Variants in SBF2 observed in about 807,000 individuals in gnomAD.
SBF2 encodes myotubularin-related protein 13.
A neutral mutation model predicts 225.2 loss-of-function variants in SBF2; 112 were observed. The ratio of observed to expected loss-of-function variants is 0.50; its 90% CI spans 0.43 to 0.58. The LOEUF (loss-of-function observed/expected upper bound fraction) is 0.58. SBF2 is among the 20% of genes least tolerant of loss of function. The pLI, the probability that SBF2 is intolerant of heterozygous loss-of-function variation, is 0.00. For missense variants in SBF2, 1,996 were observed against 2,206.2 expected (o/e 0.90, Z 1.91); for synonymous variants, 763 against 773.3 (o/e 0.99, Z 0.22).
chr11:10,244,862 G>A (rs1959613298), intron 1 of SBF2, among the ~76,000 whole-genome samples: 1 of 152,062 alleles, frequency 6.6e-6, no homozygotes, highest in African/African-American at 2.4e-5. Context: ...CAGGCCAGGG[G>A]CGGTGGTGCA....
chr11:9,931,289 C>A (rs1864479678), intron 16 of SBF2, among the ~76,000 whole-genome samples: 1 of 152,336 alleles, frequency 6.6e-6, no homozygotes, highest in African/African-American at 2.4e-5. Context: ...TGAGAATGGA[C>A]AGACTGCCTC....
intron 16 of SBF2, among the ~76,000 whole-genome samples, chr11:9,951,894 A>G (rs898136302): frequency 6.6e-6 from 1 of 152,278 alleles, no homozygotes; most frequent in Non-Finnish European, 1.5e-5. Context: ...TGAAAGGAGA[A>G]GTAAATCAAA....
rs955980559 is a variant in SBF2 at position 10,247,446 on chromosome 11, C to T, written c.55+46569G>A. Among the ~76,000 whole-genome samples, 9 of 150,688 alleles carry T rather than the reference C, an allele frequency of 6.0e-5. No individual in the cohort carries two copies. In the East Asian group the frequency reaches 1.4e-3, roughly 23 times the overall value. On this transcript the variant is annotated intron_variant, in intron 1 of 39. Transcript: ENST00000256190. Reference sequence around the variant, plus strand: ...CTGTAATGCCAGCATTTTGGGAGGCCGAGGTGGGAAGATCACTTGAGGTCA... The same window carrying T: ...CTGTAATGCCAGCATTTTGGGAGGCTGAGGTGGGAAGATCACTTGAGGTCA...
At chr11:10,131,362 T>C (rs1403798444) in intron 2 of SBF2, among the ~76,000 whole-genome samples, 1 of 152,096 alleles carries the variant, frequency 6.6e-6, no homozygotes, top group East Asian at 1.9e-4. Context: ...TTTGGCAAAA[T>C]ATCTTTTTGT....
chr11:9,944,850 A>G (rs1413404068), intron 16 of SBF2, among the ~76,000 whole-genome samples: 1 of 152,192 alleles, frequency 6.6e-6, no homozygotes, highest in African/African-American at 2.4e-5. Context: ...TCATGCCTGT[A>G]ATCCCACCAT....
At chr11:10,012,044 G>GT (rs1948479457) in intron 6 of SBF2, among the ~76,000 whole-genome samples, 10 of 152,048 alleles carry the variant, frequency 6.6e-5, no homozygotes, top group Admixed American at 6.5e-4. Flanking sequence ...TTTTCTCTAT[G>GT]TTTTTTATAT....
intron 16 of SBF2, among the ~76,000 whole-genome samples, chr11:9,951,441 A>G (rs1049883736): frequency 2.6e-5 from 4 of 152,162 alleles, no homozygotes; most frequent in Admixed American, 6.6e-5. Context: ...TTAGGAGATG[A>G]ATTTAGGCTT....
rs192759452 is a variant in SBF2 at position 9,948,732 on chromosome 11, C to T, written c.1860+13225G>A. Among the ~76,000 whole-genome samples the T allele has an allele frequency of 3.3e-3, 504 of 152,246 alleles. 2 individuals are homozygous for T. Among genetic ancestry groups the T allele is most frequent in the Non-Finnish European group, 4.2e-3 (284 of 68,004 alleles). On this transcript the variant is annotated intron_variant, in intron 16 of 39. Transcript: ENST00000256190. ...CCCCTCATATACACATAGACGTATACCCACATTTCCAACTGTTATTTTAGT... is the reference window on the plus strand; with the variant it reads ...CCCCTCATATACACATAGACGTATATCCACATTTCCAACTGTTATTTTAGT...
intron 2 of SBF2, among the ~76,000 whole-genome samples, chr11:10,067,048 T>C (rs1476099222): frequency 7.2e-5 from 11 of 152,022 alleles, no homozygotes; most frequent in Non-Finnish European, 1.5e-5. Context: ...GAGTGTGAAA[T>C]GGGAAGACTG....
At chr11:9,959,849 G>C (rs1866446490) in intron 16 of SBF2, 3 of 528,268 alleles carry the variant, frequency 5.7e-6, no homozygotes, top group South Asian at 4.6e-5. Flanking sequence ...AGAGTGAGGA[G>C]AGGAGAGAGG....
chr11:10,223,887 A>G (rs907441230), intron 1 of SBF2, among the ~76,000 whole-genome samples: 2 of 152,136 alleles, frequency 1.3e-5, no homozygotes, highest in African/African-American at 2.4e-5. Context: ...TCACCACAAT[A>G]GCAACAGGAG....
chr11:10,261,832 T>C (rs1961463347), intron 1 of SBF2, among the ~76,000 whole-genome samples: 2 of 152,152 alleles, frequency 1.3e-5, no homozygotes, highest in Admixed American at 1.3e-4. Flanking sequence ...GTGGATATAC[T>C]TCAAAAACAT....
rs562310069 is a variant in SBF2 at position 10,304,689 on chromosome 11, G to A, written n.189C>T. 5 of 152,472 alleles carry A rather than the reference G, an allele frequency of 3.3e-5. No homozygotes were observed. The East Asian group carries it at 7.7e-4, about 24-fold the overall frequency. 9.4% of individuals were successfully genotyped at this position (152,472 alleles called of 1,614,324 possible). ...GTCCAGGGCTCGGGCCATCCGCGCT[G>A]TCCCTTCCGCGGGCTCTTGCTGTTC... On this transcript the variant is annotated non_coding_transcript_exon_variant, in exon 1 of 6. Coordinates refer to the SBF2 transcript ENST00000685217.
chr11:10,016,306 T>C (rs1948651609), intron 6 of SBF2, among the ~76,000 whole-genome samples: 2 of 152,262 alleles, frequency 1.3e-5, no homozygotes, highest in East Asian at 1.9e-4. Flanking sequence ...ACTGAGAGGA[T>C]ATATGTCTCA....
At position 10,090,742 on chromosome 11, in the gene SBF2, G is replaced by A. The variant is rs576200222; in HGVS notation, c.142-47761C>T. Among the ~76,000 whole-genome samples, 7 of 116,074 alleles carry A rather than the reference G, an allele frequency of 6.0e-5. No homozygotes were observed. The East Asian group carries it at 1.8e-3, about 29-fold the overall frequency. The allele number at this position is 116,074 out of a possible 152,430, so 76.1% of individuals were successfully genotyped here. A position where few individuals can be genotyped will look rare whatever the true frequency, so the allele number is the denominator to read the frequency against. ...ATTGTGCCACAGCACTCTAGCCTGGGAGTCAGAGCAAGATTCCATCTCAAA... is the reference window on the plus strand; with the variant it reads ...ATTGTGCCACAGCACTCTAGCCTGGAAGTCAGAGCAAGATTCCATCTCAAA... On this transcript the variant is annotated intron_variant, in intron 2 of 39. Transcript: ENST00000256190.
At chr11:9,863,116 A>G (rs969920103) in intron 17 of SBF2, among the ~76,000 whole-genome samples, 6 of 152,198 alleles carry the variant, frequency 3.9e-5, no homozygotes, top group Non-Finnish European at 5.9e-5. Flanking sequence ...AAGGTACTAG[A>G]TTAAGCAATG....
chr11:10,026,738 CA>C, intron 6 of SBF2, among the ~76,000 whole-genome samples: 1 of 151,876 alleles, frequency 6.6e-6, no homozygotes, highest in Middle Eastern at 3.4e-3. Flanking sequence ...ATCCTGTCTC[CA>C]AAAAAATTTT....
At chr11:10,055,375 C>T (rs1243667472) in intron 2 of SBF2, among the ~76,000 whole-genome samples, 1 of 152,044 alleles carries the variant, frequency 6.6e-6, no homozygotes, top group African/African-American at 2.4e-5. Flanking sequence ...CCAGCAATCC[C>T]ACTACTGGGT....
chr11:10,193,745 G>GAATAT, intron 2 of SBF2, among the ~76,000 whole-genome samples, 157 bp downstream of exon 2: 1 of 152,158 alleles, frequency 6.6e-6, no homozygotes, highest in Non-Finnish European at 1.5e-5. Flanking sequence ...GACCGTACTT[G>GAATAT]AGGGACTAGG....
Sources: gnomAD v4.1 joint callset for allele counts (sites outside exome capture counted in the v4.1 genomes callset) on GRCh38, gnomAD v4.1.1 for gene constraint, MANE v1.5 for transcripts, NCBI Gene and HGNC (gene_info 2026-07-23, HGNC 2026-07-21) for gene names.